The following MAF variants were observed in gnomAD, a reference collection of about 807,000 sequenced individuals.
MAF encodes the protein transcription factor Maf.
In MAF, 10 loss-of-function variants were observed where a neutral mutation model predicts 22.0. That is an observed-to-expected ratio of 0.45 (90% CI 0.28 to 0.77). MAF has a LOEUF of 0.77. MAF is among the 30% of genes least tolerant of loss of function. The pLI, the probability that MAF is intolerant of heterozygous loss-of-function variation, is 0.12. For synonymous variants in MAF, 337 were observed against 255.8 expected, an observed-to-expected ratio of 1.32 and a Z score of -3.03; for missense variants, 544 against 548.4, an observed-to-expected ratio of 0.99 and a Z score of 0.08.
At chr16:79,340,817 G>A in the MAF span, among the ~76,000 whole-genome samples, 1 of 152,112 alleles carries the variant, frequency 6.6e-6, no homozygotes, top group African/African-American at 2.4e-5. Context: ...CCCCTGGGAA[G>A]CAAATCGCCC....
At chr16:79,484,440 T>G in the MAF span, among the ~76,000 whole-genome samples, 1 of 152,212 alleles carries the variant, frequency 6.6e-6, no homozygotes, top group Non-Finnish European at 1.5e-5. Context: ...GACTCAGCCT[T>G]TCTGGCCACA....
the MAF span, among the ~76,000 whole-genome samples, chr16:79,560,502 C>A: frequency 1.3e-5 from 2 of 151,832 alleles, no homozygotes; most frequent in Admixed American, 1.3e-4. Context: ...CAGGAACTAT[C>A]AGTCCAAAAT....
chr16:79,318,033 T>C, the MAF span, among the ~76,000 whole-genome samples: 3 of 152,250 alleles, frequency 2.0e-5, no homozygotes, highest in Admixed American at 6.5e-5. Context: ...TTTTATGGCC[T>C]AGCTGAGGAG....
the MAF span, among the ~76,000 whole-genome samples, chr16:79,539,943 TGTAA>T: frequency 1.3e-5 from 2 of 152,250 alleles, no homozygotes; most frequent in South Asian, 4.2e-4. Context: ...TATCCTTTAC[TGTAA>T]GTATGAGATG....
At chr16:79,213,678 G>A in the MAF span, among the ~76,000 whole-genome samples, 4 of 151,656 alleles carry the variant, frequency 2.6e-5, no homozygotes, top group African/African-American at 4.9e-5. Context: ...TCCCAGAACC[G>A]GCATCCAGCA....
the MAF span, among the ~76,000 whole-genome samples, chr16:79,307,743 G>C: frequency 3.9e-5 from 6 of 152,164 alleles, no homozygotes; most frequent in African/African-American, 1.4e-4. Context: ...CTGGAATGAA[G>C]CCTTCAAGTA....
the MAF span, among the ~76,000 whole-genome samples, chr16:79,488,248 T>C: frequency 1.3e-5 from 2 of 152,054 alleles, no homozygotes; most frequent in Non-Finnish European, 2.9e-5. Flanking sequence ...CTCCAATTAA[T>C]GAAGAAAATC....
chr16:79,291,176 C>T, the MAF span, among the ~76,000 whole-genome samples: 10 of 152,186 alleles, frequency 6.6e-5, no homozygotes, highest in African/African-American at 2.4e-4. Context: ...TGGTCTGCTT[C>T]AAGCTCTCTT....
Position 79,588,106 on chromosome 16 carries a change from G to T in MAF, c.1119-2165C>A, listed in dbSNP as rs143878279. On this transcript the variant is annotated intron_variant, in intron 1 of 1. Coordinates refer to the MAF transcript ENST00000569649. ...GATCTGTTTACCTAACAATTGAAGA[G>T]TTCTTTAAATAGTACAGGAGCATGC... 1.1e-4 allele frequency among the ~76,000 whole-genome samples: 17 copies of T among 152,324 alleles called. 1 individual carries two copies. Among genetic ancestry groups the T allele is most frequent in the Non-Finnish European group, 2.2e-4 (15 of 68,040 alleles).
chr16:79,545,925 G>C, the MAF span, among the ~76,000 whole-genome samples: 1 of 151,860 alleles, frequency 6.6e-6, no homozygotes, highest in Non-Finnish European at 1.5e-5. Context: ...TAAGTATGTG[G>C]GGTAATGCAT....
the MAF span, among the ~76,000 whole-genome samples, chr16:79,207,314 G>A: frequency 6.6e-6 from 1 of 152,248 alleles, no homozygotes; most frequent in East Asian, 1.9e-4. Context: ...GAAGTAGGCA[G>A]GGTTTGAAGA....
chr16:79,394,942 C>T, the MAF span, among the ~76,000 whole-genome samples: 1 of 152,198 alleles, frequency 6.6e-6, no homozygotes, highest in African/African-American at 2.4e-5. Context: ...AGCCTGGGCA[C>T]TCCAGGCCAG....
the MAF span, among the ~76,000 whole-genome samples, chr16:79,484,222 T>G: frequency 6.6e-6 from 1 of 152,114 alleles, no homozygotes; most frequent in African/African-American, 2.4e-5. Context: ...ACCGTCCAGG[T>G]CCCCTGAGAA....
the MAF span, among the ~76,000 whole-genome samples, chr16:79,235,926 C>T: frequency 8.2e-4 from 125 of 152,066 alleles, 1 homozygote; most frequent in African/African-American, 2.2e-3. Flanking sequence ...CAAGCCAAGC[C>T]GCCCAGAATC....
chr16:79,477,268 T>A, the MAF span, among the ~76,000 whole-genome samples: 4 of 152,160 alleles, frequency 2.6e-5, no homozygotes, highest in African/African-American at 7.2e-5. Context: ...GGCCAAAAGA[T>A]GCCACTTCAA....
chr16:79,458,397 T>C, the MAF span, among the ~76,000 whole-genome samples: 91 of 152,298 alleles, frequency 6.0e-4, 1 homozygote, highest in South Asian at 0.018. Context: ...TCAGAAACCA[T>C]GTGGCCCTCA....
the MAF span, among the ~76,000 whole-genome samples, chr16:79,323,994 A>C: frequency 6.6e-6 from 1 of 152,174 alleles, no homozygotes; most frequent in Non-Finnish European, 1.5e-5. Flanking sequence ...ATGCATCTTC[A>C]CACTGAGAAT....
At chr16:79,234,316 T>C in the MAF span, among the ~76,000 whole-genome samples, 1 of 152,082 alleles carries the variant, frequency 6.6e-6, no homozygotes, top group Admixed American at 6.6e-5. Context: ...CAGAGATGTC[T>C]GGAAAATTAA....
chr16:79,520,947 A>G, the MAF span, among the ~76,000 whole-genome samples: 1 of 152,190 alleles, frequency 6.6e-6, no homozygotes, highest in African/African-American at 2.4e-5. Context: ...CCATCACCAT[A>G]TTTTAGATGA....
Sources: allele counts gnomAD v4.1 joint callset (sites outside exome capture counted in the v4.1 genomes callset), GRCh38; gene constraint gnomAD v4.1.1; transcripts MANE v1.5; gene names NCBI Gene and HGNC (gene_info 2026-07-23, HGNC 2026-07-21).